The following ALDH6A1 variants were observed in gnomAD, a reference collection of about 807,000 sequenced individuals.
ALDH6A1 encodes the protein methylmalonate-semialdehyde/malonate-semialdehyde dehydrogenase [acylating], mitochondrial.
In ALDH6A1, 43 loss-of-function variants were observed where a neutral mutation model predicts 62.6. That is an observed-to-expected ratio of 0.69 (90% CI 0.54 to 0.89). The LOEUF (loss-of-function observed/expected upper bound fraction) is 0.89, where lower values mean the gene tolerates loss of function less well. Among genes scored for constraint, ALDH6A1 ranks in the 40% least tolerant of loss-of-function variants. The pLI is 0.00. For missense variants in ALDH6A1, 551 were observed against 661.3 expected (o/e 0.83, Z 1.83); for synonymous variants, 194 against 234.2 (o/e 0.83, Z 1.57).
In ALDH6A1 at chr14:74,057,490, G is replaced by T; in HGVS notation, c.*3152C>A. The stretch of plus-strand genomic sequence containing the variant: ...GCCTCTTTTTGTGTAGAAACCTATA[G>T]GTTGCCTTTTGAAGTAAACAGCCTA... On this transcript the variant is annotated 3_prime_UTR_variant, in exon 12 of 12. Coordinates refer to ENST00000553458, the MANE Select transcript of ALDH6A1 (RefSeq NM_005589.4). 7.1e-7 allele frequency: 1 copy of T among 1,411,554 alleles called. No homozygotes were observed. The highest frequency in any genetic ancestry group is 9.2e-7 in the Non-Finnish European group (1 of 1,082,758). The allele number at this position is 1,411,554 out of a possible 1,614,324, so 87.4% of individuals were successfully genotyped here. A position where few individuals can be genotyped will look rare whatever the true frequency, so the allele number is the denominator to read the frequency against.
At chr14:74,070,590 T>C (rs567950512) in intron 6 of ALDH6A1, 27 of 156,722 alleles carry the variant, frequency 1.7e-4, no homozygotes, top group Admixed American at 3.1e-4. Flanking sequence ...TGTGTTCTCA[T>C]GTAAGAGGTA....
chr14:74,068,020 T>TAA (rs1595119998), intron 7 of ALDH6A1, among the ~76,000 whole-genome samples: 1 of 144,102 alleles, frequency 6.9e-6, no homozygotes, highest in Admixed American at 6.8e-5. Flanking sequence ...AAAAAGAACT[T>TAA]ACAGCCTTAC....
intron 6 of ALDH6A1, among the ~76,000 whole-genome samples, chr14:74,069,592 A>C: frequency 6.6e-6 from 1 of 151,670 alleles, no homozygotes; most frequent in East Asian, 2.0e-4. Flanking sequence ...CTCTACTAAA[A>C]ATACAAAAAA....
rs1194970117 is a variant in ALDH6A1, at chr14:74,067,255, A to T, written c.1042+125T>A. 9.0e-6 allele frequency: 10 copies of T among 1,117,226 alleles called. 1 individual carries two copies. The highest frequency in any genetic ancestry group is 3.1e-5 in the African/African-American group (2 of 65,284). 69.2% of individuals were successfully genotyped at this position (1,117,226 alleles called of 1,614,324 possible). On this transcript the variant is annotated intron_variant, in intron 8 of 11. Transcript: ENST00000553458. ...CAAGATGACTCCAAATGACAAGTAC[A>T]GTATAAAGAGAGGAAATGGCAAGAA...
intron 1 of ALDH6A1, among the ~76,000 whole-genome samples, chr14:74,081,897 G>T (rs531742119): frequency 6.6e-6 from 1 of 152,082 alleles, no homozygotes; most frequent in Non-Finnish European, 1.5e-5. Flanking sequence ...AGTGCAAGTC[G>T]CTACATCTCT....
At chr14:74,067,305 A>T in intron 8 of ALDH6A1, 75 bp downstream of exon 8, 1 of 1,522,184 alleles carries the variant, frequency 6.6e-7, no homozygotes, top group Non-Finnish European at 9.1e-7. Flanking sequence ...CCCACTGGCC[A>T]AGGCCAGTGA....
At chr14:74,066,534 T>C (rs1436532224) in intron 9 of ALDH6A1, among the ~76,000 whole-genome samples, 171 bp downstream of exon 9, 1 of 152,162 alleles carries the variant, frequency 6.6e-6, no homozygotes, top group East Asian at 1.9e-4. Flanking sequence ...AGAGTTTGGT[T>C]GGGAGTTAGA....
At chr14:74,069,112 T>C (rs2060513921) in intron 6 of ALDH6A1, 131 bp from the exon 7 acceptor site, 1 of 1,120,152 alleles carries the variant, frequency 8.9e-7, no homozygotes, top group South Asian at 1.6e-5. Flanking sequence ...TTTTTTTTTT[T>C]TTTTTTTTTT....
intron 1 of ALDH6A1, chr14:74,081,252 C>G (rs1215779123): frequency 2.0e-5 from 3 of 152,258 alleles, no homozygotes; most frequent in Admixed American, 2.0e-4. Context: ...GTCCCCAGCC[C>G]CTAGCACAAT....
chr14:74,064,637 C>T (rs1402888073), intron 11 of ALDH6A1, 185 bp downstream of exon 11: 1 of 1,586,858 alleles, frequency 6.3e-7, no homozygotes, highest in South Asian at 1.1e-5. Context: ...TTGAATTATT[C>T]AGGAAGAAGC....
chr14:74,070,013 T>A (rs1385220291), intron 6 of ALDH6A1, among the ~76,000 whole-genome samples: 1 of 151,586 alleles, frequency 6.6e-6, no homozygotes, highest in African/African-American at 2.4e-5. Flanking sequence ...AATTTTTGTA[T>A]TTTTTTTGTA....
chr14:74,073,393 T>TC (rs1184129738), intron 2 of ALDH6A1, among the ~76,000 whole-genome samples: 3 of 151,736 alleles, frequency 2.0e-5, no homozygotes, highest in Non-Finnish European at 2.9e-5. Context: ...GCGTGAGTCA[T>TC]CGTGCCCAGA....
intron 2 of ALDH6A1, among the ~76,000 whole-genome samples, chr14:74,074,294 T>C (rs1041530006): frequency 6.0e-5 from 9 of 148,900 alleles, no homozygotes; most frequent in Non-Finnish European, 1.0e-4. Context: ...CTAAATTTTT[T>C]TTTTTTTTTT....
Position 74,071,311 on chromosome 14 carries a change from G to T in ALDH6A1, c.614C>A (p.Thr205Asn). ...MFPMAMVCGN[T>N]FLMKPSERVP... is the part of the protein sequence containing the mutation. ...TCGCTCAGATGGTTTCATTAGGAAG[G>T]TATTTCCACACACCATGGCCATGGG... The change falls in exon 6 of 12, where the codon ACC (threonine) becomes AAC (asparagine). Residue 205 changes from threonine to asparagine, a missense_variant. Thr to Asn is a moderately conservative substitution (Grantham distance 65, BLOSUM62 0). Coordinates refer to ENST00000553458, the MANE Select transcript of ALDH6A1 (RefSeq NM_005589.4). The T allele has an allele frequency of 6.2e-7, 1 of 1,614,170 alleles. No homozygotes were observed. Among genetic ancestry groups the T allele is most frequent in the Non-Finnish European group, 8.5e-7 (1 of 1,180,032 alleles).
chr14:74,079,185 A>T (rs1421137393), intron 1 of ALDH6A1, among the ~76,000 whole-genome samples: 1 of 151,596 alleles, frequency 6.6e-6, no homozygotes, highest in East Asian at 1.9e-4. Context: ...GGCACATGTT[A>T]AAAAAAGGTG....
At chr14:74,061,888 G>T (rs1261957720) in intron 11 of ALDH6A1, among the ~76,000 whole-genome samples, 1 of 151,832 alleles carries the variant, frequency 6.6e-6, no homozygotes, top group Non-Finnish European at 1.5e-5. Flanking sequence ...CATTTTACCA[G>T]ATTACCAGAG....
chr14:74,061,881 T>C lies in ALDH6A1; in HGVS notation c.1504-1135A>G, dbSNP rs1193793994. 3.3e-5 allele frequency among the ~76,000 whole-genome samples: 5 copies of C among 151,726 alleles called. No homozygotes were observed. In the East Asian group the frequency reaches 9.6e-4, roughly 29 times the overall value. On this transcript the variant is annotated intron_variant, in intron 11 of 11. Transcript: ENST00000553458. ...AATTACTAGCAAGCTAGAATGACAT[T>C]TTACCAGATTACCAGAGTAATTTAT...
intron 8 of ALDH6A1, among the ~76,000 whole-genome samples, chr14:74,067,093 G>A (rs4646863): frequency 0.14 from 20,813 of 152,012 alleles, 2,011 homozygotes; most frequent in East Asian, 0.57. Flanking sequence ...CCGCACCTGT[G>A]GTCCAAGCTG....
At chr14:74,065,769 T>C (rs1272883256) in intron 9 of ALDH6A1, 4 of 206,868 alleles carry the variant, frequency 1.9e-5, no homozygotes, top group Non-Finnish European at 2.0e-5. Context: ...AACCCCATGC[T>C]GTTTTCTGTA....
Sources: gnomAD v4.1 joint callset for allele counts (sites outside exome capture counted in the v4.1 genomes callset) on GRCh38, gnomAD v4.1.1 for gene constraint, MANE v1.5 for transcripts, NCBI Gene and HGNC (gene_info 2026-07-23, HGNC 2026-07-21) for gene names.